The following GLIS3 variants were observed in gnomAD, a reference collection of about 807,000 sequenced individuals.
The protein encoded by GLIS3 is zinc finger protein GLIS3.
Under a neutral mutation model 78.6 loss-of-function variants are expected in GLIS3, and 53 were observed. The ratio of observed to expected loss-of-function variants is 0.67; its 90% CI spans 0.54 to 0.85. GLIS3 has a LOEUF of 0.85. Among genes scored for constraint, GLIS3 ranks in the 40% least tolerant of loss-of-function variants. The pLI, the probability that GLIS3 is intolerant of heterozygous loss-of-function variation, is 0.00. For missense variants in GLIS3, 1,703 were observed against 1,231.1 expected (o/e 1.38, Z -5.74); for synonymous variants, 684 against 509.9 (o/e 1.34, Z -4.60).
At chr9:4,459,931 T>C in the GLIS3 span, among the ~76,000 whole-genome samples, 5 of 152,310 alleles carry the variant, frequency 3.3e-5, no homozygotes, top group South Asian at 2.1e-4. Flanking sequence ...GATATCACCA[T>C]GGTGGGGGAG....
At chr9:4,218,950 C>T (rs181914158) in intron 2 of GLIS3, among the ~76,000 whole-genome samples, 1 of 152,314 alleles carries the variant, frequency 6.6e-6, no homozygotes, top group East Asian at 1.9e-4. Flanking sequence ...TATTCTTTCT[C>T]CTTTTCTAGA....
chr9:4,441,938 T>A, the GLIS3 span, among the ~76,000 whole-genome samples: 1 of 152,104 alleles, frequency 6.6e-6, no homozygotes. Context: ...TTTGTTAGGT[T>A]TGGGTATCAA....
intron 6 of GLIS3, among the ~76,000 whole-genome samples, chr9:3,901,545 A>G (rs896981892): frequency 6.6e-6 from 1 of 152,238 alleles, no homozygotes; most frequent in Non-Finnish European, 1.5e-5. Flanking sequence ...CTGATCAGAA[A>G]GAAAGACAAA....
the GLIS3 span, among the ~76,000 whole-genome samples, chr9:4,465,798 C>G: frequency 6.6e-6 from 1 of 152,090 alleles, no homozygotes; most frequent in Non-Finnish European, 1.5e-5. Flanking sequence ...CTGCCTCTGG[C>G]TCTAACTAAG....
intron 4 of GLIS3, among the ~76,000 whole-genome samples, chr9:3,994,762 G>C (rs989006693): frequency 1.3e-5 from 2 of 152,078 alleles, no homozygotes; most frequent in African/African-American, 2.4e-5. Context: ...TCTTTCCCCA[G>C]CAATATGGCA....
At chr9:4,349,998 G>A (rs1478154282), upstream of GLIS3, among the ~76,000 whole-genome samples, 1 of 152,240 alleles carries the variant, frequency 6.6e-6, no homozygotes, top group South Asian at 2.1e-4. Context: ...GAATGTGAAA[G>A]AGACTTAGAC....
chr9:4,261,205 C>A (rs1020867908), intron 2 of GLIS3, among the ~76,000 whole-genome samples: 20 of 152,122 alleles, frequency 1.3e-4, no homozygotes, highest in African/African-American at 4.1e-4. Context: ...GAGTTCAACA[C>A]GGAAAATATT....
At chr9:4,130,511 C>A (rs1832896813) in intron 2 of GLIS3, among the ~76,000 whole-genome samples, 1 of 152,242 alleles carries the variant, frequency 6.6e-6, no homozygotes, top group African/African-American at 2.4e-5. Context: ...AGCTCTAGCT[C>A]CAGTCTTGGC....
At chr9:4,366,372 T>G in the GLIS3 span, among the ~76,000 whole-genome samples, 1 of 152,064 alleles carries the variant, frequency 6.6e-6, no homozygotes, top group African/African-American at 2.4e-5. Flanking sequence ...GGCAACGAGT[T>G]AAAACGTGAA....
At chr9:4,238,182 C>T (rs1306480521) in intron 2 of GLIS3, among the ~76,000 whole-genome samples, 8 of 152,164 alleles carry the variant, frequency 5.3e-5, no homozygotes, top group Non-Finnish European at 1.2e-4. Flanking sequence ...TGCCCCCTCC[C>T]GCTGCGCAAA....
intron 8 of GLIS3, 72 bp from the exon 9 acceptor site, chr9:3,856,256 C>T: frequency 7.6e-7 from 1 of 1,321,454 alleles, no homozygotes; most frequent in East Asian, 2.5e-5. Flanking sequence ...TCTCCAAAGC[C>T]AAATTCTCAC....
At chr9:3,988,711 AAAAG>A (rs1342877744) in intron 4 of GLIS3, among the ~76,000 whole-genome samples, 2 of 152,144 alleles carry the variant, frequency 1.3e-5, no homozygotes, top group Non-Finnish European at 2.9e-5. Flanking sequence ...TAGACAAAAA[AAAAG>A]AAAAAGAATC....
chr9:3,980,462 T>A lies in GLIS3; in HGVS notation c.1711-43273A>T, dbSNP rs568173791. Among the ~76,000 whole-genome samples, 625 of 152,254 alleles carry A rather than the reference T, an allele frequency of 4.1e-3. 2 individuals carry two copies. The highest frequency in any genetic ancestry group is 5.7e-3 in the Non-Finnish European group (385 of 68,012). Reference sequence around the variant, plus strand: ...CCAGACATACCAGCAGGCTGCCAAGTCATTTTAATTCAAATTTGATGGAGC... The same window carrying A: ...CCAGACATACCAGCAGGCTGCCAAGACATTTTAATTCAAATTTGATGGAGC... On this transcript the variant is annotated intron_variant, in intron 4 of 10. Coordinates refer to ENST00000381971, the MANE Select transcript of GLIS3 (RefSeq NM_001042413.2).
intron 2 of GLIS3, among the ~76,000 whole-genome samples, chr9:4,135,596 A>G (rs568087941): frequency 3.0e-4 from 46 of 152,334 alleles, no homozygotes; most frequent in African/African-American, 1.0e-3. Flanking sequence ...ATCTAATATA[A>G]TATACATATT....
chr9:3,857,006 GAC>G (rs1484629018), intron 8 of GLIS3, among the ~76,000 whole-genome samples: 1 of 152,222 alleles, frequency 6.6e-6, no homozygotes, highest in Non-Finnish European at 1.5e-5. Context: ...TGTTTAAAAT[GAC>G]AGTTTATGCT....
At chr9:4,477,179 A>G in the GLIS3 span, among the ~76,000 whole-genome samples, 1 of 152,052 alleles carries the variant, frequency 6.6e-6, no homozygotes, top group Non-Finnish European at 1.5e-5. Flanking sequence ...CCATCCACCA[A>G]TGGATGGATA....
At chr9:4,199,763 C>A (rs1319746652) in intron 2 of GLIS3, among the ~76,000 whole-genome samples, 1 of 152,038 alleles carries the variant, frequency 6.6e-6, no homozygotes, top group Non-Finnish European at 1.5e-5. Flanking sequence ...AGGCAAAAAA[C>A]AAACAAACAA....
chr9:4,204,251 G>A (rs1201770451), intron 2 of GLIS3, among the ~76,000 whole-genome samples: 9 of 152,156 alleles, frequency 5.9e-5, no homozygotes, highest in Admixed American at 5.9e-4. Flanking sequence ...GTAAAAAGAG[G>A]AGTACAGTTA....
At chr9:3,869,441 A>G (rs901682172) in intron 8 of GLIS3, among the ~76,000 whole-genome samples, 1 of 152,222 alleles carries the variant, frequency 6.6e-6, no homozygotes, top group Non-Finnish European at 1.5e-5. Context: ...AGGCACTAGT[A>G]TTCAAGATTT....
Sources: allele counts gnomAD v4.1 joint callset (sites outside exome capture counted in the v4.1 genomes callset), GRCh38; gene constraint gnomAD v4.1.1; transcripts MANE v1.5; gene names NCBI Gene and HGNC (gene_info 2026-07-23, HGNC 2026-07-21).